Variants in HDAC7 observed in about 807,000 individuals in gnomAD.
The protein encoded by HDAC7 is histone deacetylase 7A.
A neutral mutation model predicts 115.5 loss-of-function variants in HDAC7; 26 were observed. That is an observed-to-expected ratio of 0.23 (90% confidence interval 0.16 to 0.31). The LOEUF is 0.31. HDAC7 is among the 10% of genes least tolerant of loss of function. The pLI, the probability that HDAC7 is intolerant of heterozygous loss-of-function variation, is 1.00. For synonymous variants in HDAC7, 564 were observed against 550.9 expected, an observed-to-expected ratio of 1.02 and a Z score of -0.33; for missense variants, 1,068 against 1,329.0, an observed-to-expected ratio of 0.80 and a Z score of 3.05.
At position 47,787,794 on chromosome 12, in the gene HDAC7, C is replaced by T. The variant is rs1216311344; in HGVS notation, c.2371G>A (p.Gly791Ser). Residue 791 changes from glycine to serine, a missense_variant, in exon 21 of 26, where the codon GGT (glycine) becomes AGT (serine). Around this residue, in one of 6 missense-constraint regions of HDAC7, gnomAD observed 182 missense variants for 301.1 expected, o/e 0.60. Transcript: ENST00000080059. ...GCCACATTGACATTGAAGCCCTCAC[C>T]GCTGCCAGCCCCTACCTGGAAAACA... Reference protein sequence around the residue: ...GAVDEVGAGSGEGFNVNVAWA... With the variant: ...GAVDEVGAGSSEGFNVNVAWA... 2 of 1,612,354 alleles carry T rather than the reference C, an allele frequency of 1.2e-6. No individual in the cohort carries two copies. Among genetic ancestry groups the T allele is most frequent in the Non-Finnish European group, 8.5e-7 (1 of 1,179,348 alleles).
intron 21 of HDAC7, among the ~76,000 whole-genome samples, chr12:47,787,329 G>A (rs115921804): frequency 7.9e-5 from 12 of 152,284 alleles, no homozygotes; most frequent in African/African-American, 2.9e-4. Context: ...GAAGACTCCA[G>A]GAACTCCAGC....
At chr12:47,801,146 A>C (rs1019993792) in intron 2 of HDAC7, among the ~76,000 whole-genome samples, 1 of 152,158 alleles carries the variant, frequency 6.6e-6, no homozygotes, top group Non-Finnish European at 1.5e-5. Context: ...GCCAGCGCCT[A>C]GCATCCCTCC....
chr12:47,818,379 T>C (rs1944909443), intron 1 of HDAC7, among the ~76,000 whole-genome samples: 1 of 152,190 alleles, frequency 6.6e-6, no homozygotes, highest in Admixed American at 6.5e-5. Flanking sequence ...CTGGGCTGGG[T>C]ACCACTCACT....
At chr12:47,800,974 G>A (rs1294677151) in intron 2 of HDAC7, among the ~76,000 whole-genome samples, 14 of 152,176 alleles carry the variant, frequency 9.2e-5, no homozygotes, top group Admixed American at 9.2e-4. Flanking sequence ...CTCCACCTTG[G>A]CCATCAGCTT....
At chr12:47,811,072 C>A (rs1044582825) in intron 1 of HDAC7, among the ~76,000 whole-genome samples, 2 of 152,150 alleles carry the variant, frequency 1.3e-5, no homozygotes, top group Admixed American at 1.3e-4. Context: ...CGAACTGAGG[C>A]ATCTCGGATG....
chr12:47,793,172 T>C lies in HDAC7; in HGVS notation c.1678+197A>G. ...GCTATTTGACCACAGGCTTGTCACC[T>C]TAGATTTCGTGAGCCTTGGTCCTCA... On this transcript the variant is annotated intron_variant, in intron 13 of 25. Coordinates refer to ENST00000080059, the MANE Select transcript of HDAC7 (RefSeq NM_015401.5). This position sits in a 1 kb window ranked among gnomAD's most constrained non-coding sequence, Gnocchi z 4.5. 1 of 526,132 alleles carries C rather than the reference T, an allele frequency of 1.9e-6. No homozygotes were observed. The allele number at this position is 526,132 out of a possible 1,614,324, so 32.6% of individuals were successfully genotyped here. A position where few individuals can be genotyped will look rare whatever the true frequency, so the allele number is the denominator to read the frequency against.
At position 47,793,776 on chromosome 12, in the gene HDAC7, C is replaced by T. The variant is rs951372361; in HGVS notation, c.1459-188G>A. ...CCCCCTGTCCCCTGCAGCCCCCTGA[C>T]AGGTTTGCACCCCAGACTGACCACC... On this transcript the variant is annotated intron_variant, in intron 12 of 25. Transcript: ENST00000080059. The surrounding 1 kb of genome is among the most constrained non-coding windows in gnomAD (Gnocchi z 4.5). Among the ~76,000 whole-genome samples, 4 of 152,180 alleles carry T rather than the reference C, an allele frequency of 2.6e-5. No homozygotes were observed. Among genetic ancestry groups the T allele is most frequent in the Admixed American group, 6.5e-5 (1 of 15,280 alleles).
rs1300768085 is a variant in HDAC7, at chr12:47,798,079, G to A, written c.461+29C>T. 1 of 1,513,924 alleles carries A rather than the reference G, an allele frequency of 6.6e-7. No homozygotes were observed. The highest frequency in any genetic ancestry group is 1.1e-5 in the South Asian group (1 of 89,066). The allele number at this position is 1,513,924 out of a possible 1,614,324, so 93.8% of individuals were successfully genotyped here. On this transcript the variant is annotated intron_variant, in intron 5 of 25. Coordinates refer to ENST00000080059, the MANE Select transcript of HDAC7 (RefSeq NM_015401.5). This position sits in a 1 kb window ranked among gnomAD's most constrained non-coding sequence, Gnocchi z 4.3. ...GGCGGGGGTGGAGGGTGCATGTGGG[G>A]ACAGGAGGGCAGGTGAGGAGGGTGT...
intron 1 of HDAC7, among the ~76,000 whole-genome samples, chr12:47,811,151 C>A (rs1944648419): frequency 6.6e-6 from 1 of 152,188 alleles, no homozygotes; most frequent in Non-Finnish European, 1.5e-5. Context: ...ACAGTAAATA[C>A]CCTAGAGGTC....
In HDAC7 at chr12:47,797,261, ATCCTAGCCTACCGATGATC is replaced by A; in HGVS notation, c.577+104_578-120del. Reference sequence around the variant, plus strand: ...AAGAGAAGGCAGAACTAGAAAGAAGATCCTAGCCTACCGATGATCTCCTGGCCCAGCCCAGCCCGCCCAC... The same window carrying A: ...AAGAGAAGGCAGAACTAGAAAGAAGATCCTGGCCCAGCCCAGCCCGCCCAC... On this transcript the variant is annotated intron_variant, in intron 6 of 25. Transcript: ENST00000080059. This position sits in a 1 kb window ranked among gnomAD's most constrained non-coding sequence, Gnocchi z 5.5. The A allele has an allele frequency of 1.9e-6, 3 of 1,558,224 alleles. No homozygotes were observed. The South Asian group carries it at 3.5e-5, about 18-fold the overall frequency.
In HDAC7 at chr12:47,799,273, G is replaced by A. The variant is rs554467051; in HGVS notation, c.71-301C>T. ...CACTAAACATGCTCCTCCCTGGGCC[G>A]GGGGCTGAGGGCTACAGTGATCTCC... On this transcript the variant is annotated intron_variant, in intron 2 of 25. Coordinates refer to ENST00000080059, the MANE Select transcript of HDAC7 (RefSeq NM_015401.5). The A allele has an allele frequency of 2.2e-4, 76 of 349,694 alleles. 2 individuals are homozygous for A. Among genetic ancestry groups the A allele is most frequent in the African/African-American group, 3.2e-4 (15 of 47,106 alleles). The allele number at this position is 349,694 out of a possible 1,614,324, so 21.7% of individuals were successfully genotyped here. A position where few individuals can be genotyped will look rare whatever the true frequency, so the allele number is the denominator to read the frequency against.
chr12:47,788,010 T>G (rs755148206), intron 20 of HDAC7, 35 bp downstream of exon 20: 1 of 1,597,916 alleles, frequency 6.3e-7, no homozygotes, highest in South Asian at 1.1e-5. Context: ...AGGAGGTCAA[T>G]GAGGCTGGAA....
intron 7 of HDAC7, 128 bp from the exon 8 acceptor site, chr12:47,796,426 C>CT (rs35550737): frequency 0.053 from 24,441 of 459,152 alleles, 202 homozygotes; most frequent in African/African-American, 0.1. Context: ...TTCCTGCTTT[C>CT]TTTTTTTTTT....
chr12:47,800,616 T>A (rs1944115675), intron 2 of HDAC7, among the ~76,000 whole-genome samples: 1 of 152,212 alleles, frequency 6.6e-6, no homozygotes, highest in South Asian at 2.1e-4. Context: ...GGGTTTCGAA[T>A]ACCAAAACAC....
At chr12:47,811,602 T>C (rs776705830) in intron 1 of HDAC7, among the ~76,000 whole-genome samples, 6 of 152,246 alleles carry the variant, frequency 3.9e-5, no homozygotes, top group Non-Finnish European at 5.9e-5. Context: ...ATTTTTTAGT[T>C]TTTGCTGGTC....
At chr12:47,813,867 A>G (rs1467100567) in intron 1 of HDAC7, among the ~76,000 whole-genome samples, 1 of 152,220 alleles carries the variant, frequency 6.6e-6, no homozygotes, top group East Asian at 1.9e-4. Flanking sequence ...GGCAAGGGCC[A>G]GGCAACACCT....
In HDAC7 at chr12:47,805,337, T is replaced by A. The variant is rs555569032; in HGVS notation, c.20-3063A>T. On this transcript the variant is annotated intron_variant, in intron 1 of 25. Transcript: ENST00000080059. Reference sequence around the variant, plus strand: ...GGGCTCAAGCGATCCTCCCCGCTCATCTTCAAAGTCTTTGTTGAGGCTGTT... The same window carrying A: ...GGGCTCAAGCGATCCTCCCCGCTCAACTTCAAAGTCTTTGTTGAGGCTGTT... Among the ~76,000 whole-genome samples, 3 of 152,106 alleles carry A rather than the reference T, an allele frequency of 2.0e-5. No individual in the cohort carries two copies. In the South Asian group the frequency reaches 6.2e-4, roughly 32 times the overall value.
Position 47,798,888 on chromosome 12 carries a change from G to A in HDAC7, c.155C>T (p.Pro52Leu). The change falls in exon 3 of 26, where the codon CCC (proline) becomes CTC (leucine). Residue 52 changes from proline (P) to leucine (L), a missense_variant. By Grantham distance (98) the Pro-to-Leu change is moderately conservative (BLOSUM62 -3). Around this residue, in one of 6 missense-constraint regions of HDAC7, gnomAD observed 161 missense variants for 158.5 expected, o/e 1.02. Coordinates refer to ENST00000080059, the MANE Select transcript of HDAC7 (RefSeq NM_015401.5). This position sits in a 1 kb window ranked among gnomAD's most constrained non-coding sequence, Gnocchi z 4.3. ...GGCCAGCAATGTGGGCTCTGGTGGGGGCTCCACTGGGGGCCGCTGGCCCAC... is the reference window on the plus strand; with the variant it reads ...GGCCAGCAATGTGGGCTCTGGTGGGAGCTCCACTGGGGGCCGCTGGCCCAC... ...LRVGQRPPVE[P>L]PPEPTLLALQ... 1 of 1,542,280 alleles carries A rather than the reference G, an allele frequency of 6.5e-7. No individual in the cohort carries two copies. Among genetic ancestry groups the A allele is most frequent in the Non-Finnish European group, 8.7e-7 (1 of 1,147,336 alleles).
At chr12:47,821,304 G>C (rs1311418529), upstream of HDAC7, among the ~76,000 whole-genome samples, 1 of 152,168 alleles carries the variant, frequency 6.6e-6, no homozygotes, top group Non-Finnish European at 1.5e-5. Flanking sequence ...CACAGCTCGG[G>C]ACTCACTATC....
Sources: allele counts gnomAD v4.1 joint callset (sites outside exome capture counted in the v4.1 genomes callset), GRCh38; gene constraint gnomAD v4.1.1; regional missense constraint gnomAD v4.1.1; non-coding constraint Gnocchi (gnomAD v3.1); transcripts MANE v1.5; gene names NCBI Gene and HGNC (gene_info 2026-07-23, HGNC 2026-07-21).